MED23: variants seen among roughly 807,000 people sequenced by gnomAD.
MED23 encodes the protein mediator of RNA polymerase II transcription subunit 23.
MED23 carries 105 observed loss-of-function variants against 163.9 expected under a neutral mutation model. The observed-to-expected ratio is 0.64, with a 90% confidence interval of 0.55 to 0.75. The LOEUF is 0.75. Ranked by LOEUF, MED23 falls within the 30% of genes least tolerant of loss-of-function variation. The pLI, the probability that MED23 is intolerant of heterozygous loss-of-function variation, is 0.00. For missense variants in MED23, 1,054 were observed against 1,649.0 expected (o/e 0.64, Z 6.25); for synonymous variants, 561 against 565.6 (o/e 0.99, Z 0.12).
intron 30 of MED23, among the ~76,000 whole-genome samples, chr6:131,578,479 T>C (rs1488241844): frequency 2.0e-5 from 3 of 152,214 alleles, no homozygotes; most frequent in African/African-American, 7.2e-5. Flanking sequence ...TGGGGTTACC[T>C]GCAATTTTTC....
chr6:131,586,749 G>T lies in MED23; in HGVS notation c.*930C>A, dbSNP rs963913910. 11 of 1,456,582 alleles carry T rather than the reference G, an allele frequency of 7.6e-6. No individual in the cohort carries two copies. The highest frequency in any genetic ancestry group is 9.2e-6 in the Non-Finnish European group (10 of 1,090,410). The allele number at this position is 1,456,582 out of a possible 1,614,324, so 90.2% of individuals were successfully genotyped here. A position where few individuals can be genotyped will look rare whatever the true frequency, so the allele number is the denominator to read the frequency against. ...CAATGGAGTCGGGAAACAATCACACGGTTTATTCATTCAGCAGACTTTACT... is the reference window on the plus strand; with the variant it reads ...CAATGGAGTCGGGAAACAATCACACTGTTTATTCATTCAGCAGACTTTACT... On this transcript the variant is annotated 3_prime_UTR_variant, in exon 29 of 29. Coordinates refer to ENST00000368068, the MANE Select transcript of MED23 (RefSeq NM_004830.4).
Position 131,591,419 on chromosome 6 carries a change from T to C in MED23, c.3580A>G (p.Thr1194Ala). ...VGYPFRLFDF[T>A]ACHQSYSEMS... ...TCAGAGTAGGACTGATGACAGGCAG[T>C]GAAATCAAAGAGGCGGAATGGATAG... is the stretch of plus-strand genomic sequence containing the variant. The change falls in exon 26 of 29, where the codon ACT (threonine) becomes GCT (alanine). Residue 1194 changes from threonine to alanine, a missense_variant. Physicochemically the swap from Thr to Ala is moderately conservative, Grantham distance 58. Coordinates refer to ENST00000368068, the MANE Select transcript of MED23 (RefSeq NM_004830.4). 1 of 1,613,898 alleles carries C rather than the reference T, an allele frequency of 6.2e-7. No individual in the cohort carries two copies. Among genetic ancestry groups the C allele is most frequent in the South Asian group, 1.1e-5 (1 of 91,080 alleles).
At chr6:131,596,772 A>T in intron 20 of MED23, 84 bp from the exon 21 acceptor site, 1 of 1,289,404 alleles carries the variant, frequency 7.8e-7, no homozygotes, top group South Asian at 1.2e-5. Flanking sequence ...AGATTTTAAC[A>T]AAGTAAAATC....
chr6:131,614,238 A>G (rs1776486052), intron 10 of MED23, among the ~76,000 whole-genome samples: 1 of 152,170 alleles, frequency 6.6e-6, no homozygotes, highest in African/African-American at 2.4e-5. Flanking sequence ...AGAAGAAAAA[A>G]CTTAAAATAA....
At chr6:131,582,784 C>A, downstream of MED23, 1 of 1,312,276 alleles carries the variant, frequency 7.6e-7, no homozygotes, top group Non-Finnish European at 1.1e-6. Context: ...GCTTTACTGA[C>A]CAACTCTATG....
chr6:131,592,243 G>T, intron 25 of MED23, 145 bp downstream of exon 25: 1 of 739,212 alleles, frequency 1.4e-6, no homozygotes, highest in Non-Finnish European at 2.3e-6. Flanking sequence ...GTAATAATAT[G>T]AAAAAACTTT....
intron 3 of MED23, among the ~76,000 whole-genome samples, chr6:131,626,342 C>T (rs2114790673): frequency 6.6e-6 from 1 of 151,302 alleles, no homozygotes; most frequent in Middle Eastern, 3.4e-3. Context: ...TAAGAAGAAA[C>T]TTAGAAGACA....
chr6:131,621,929 AG>A lies in MED23; in HGVS notation c.446del (p.Pro149LeufsTer4), dbSNP rs750449706. On this transcript the variant is annotated frameshift_variant, in exon 6 of 29. Transcript: ENST00000368068. LOFTEE classifies it high-confidence loss of function. The stretch of plus-strand genomic sequence containing the variant: ...GTACAACAGCAGAGCTCACTGTATT[AG>A]GAATTGTCAAAATCTTCTCCAAAAT... ...KVILEKILTI[P>X]NTVSSAVVQQ... 2 of 1,613,760 alleles carry A rather than the reference AG, an allele frequency of 1.2e-6. No homozygotes were observed. The highest frequency in any genetic ancestry group is 2.7e-5 in the African/African-American group (2 of 74,924).
At chr6:131,591,683 C>G in intron 25 of MED23, 156 bp from the exon 26 acceptor site, 1 of 655,988 alleles carries the variant, frequency 1.5e-6, no homozygotes, top group Non-Finnish European at 2.7e-6. Flanking sequence ...CAAATTAAGT[C>G]AGTAACAACC....
rs941758255 is a variant in MED23 at position 131,579,614 on chromosome 6, A to C, written c.4096-5319T>G. ...GCTTATTTGTTCTTAATTGCCGATA[A>C]TATATACAACTCATATAGGTCAACA... On this transcript the variant is annotated intron_variant, in intron 30 of 30. Transcript: ENST00000354577. The C allele has an allele frequency of 1.7e-5, 4 of 235,162 alleles. No individual in the cohort carries two copies. In the South Asian group the frequency reaches 2.2e-4, roughly 13 times the overall value. 14.6% of individuals were successfully genotyped at this position (235,162 alleles called of 1,614,324 possible).
Position 131,598,315 on chromosome 6 carries a change from A to G in MED23, c.2579T>C (p.Val860Ala). The G allele has an allele frequency of 6.2e-7, 1 of 1,614,036 alleles. No homozygotes were observed. Among genetic ancestry groups the G allele is most frequent in the Non-Finnish European group, 8.5e-7 (1 of 1,179,908 alleles). ...LNDMVWKYNI[V>A]TLDRLILCLA... Reference sequence around the variant, plus strand: ...GCAGAGAATTAATCTGTCCAGTGTAACAATGTTATACTTCCATACCATGTC... The same window carrying G: ...GCAGAGAATTAATCTGTCCAGTGTAGCAATGTTATACTTCCATACCATGTC... The change falls in exon 20 of 29, where the codon GTT becomes GCT. Residue 860 changes from valine to alanine, a missense_variant. Val to Ala is a moderately conservative substitution (Grantham distance 64). Around this residue, in one of 11 missense-constraint regions of MED23, gnomAD observed 228 missense variants for 461.3 expected, o/e 0.49. Coordinates refer to ENST00000368068, the MANE Select transcript of MED23 (RefSeq NM_004830.4). The surrounding 1 kb of genome is among the most constrained non-coding windows in gnomAD (Gnocchi z 4.7).
rs748173524 is a variant in MED23 at position 131,591,379 on chromosome 6, T to C, written c.3620A>G (p.Tyr1207Cys). 1.2e-6 allele frequency: 2 copies of C among 1,613,846 alleles called. No homozygotes were observed. Among genetic ancestry groups the C allele is most frequent in the East Asian group, 2.2e-5 (1 of 44,884 alleles). The change falls in exon 26 of 29, where the codon TAT becomes TGT. Residue 1207 changes from tyrosine (Y) to cysteine (C), a missense_variant. Coordinates refer to ENST00000368068, the MANE Select transcript of MED23 (RefSeq NM_004830.4). ...HQSYSEMSCS[Y>C]TLALAHAVWH... ...CACAGCATGTGCAAGAGCTAACGTATAGCTACAACTCATCTCAGAGTAGGA... is the reference window on the plus strand; with the variant it reads ...CACAGCATGTGCAAGAGCTAACGTACAGCTACAACTCATCTCAGAGTAGGA...
intron 25 of MED23, 129 bp downstream of exon 25, chr6:131,592,259 C>T: frequency 4.7e-6 from 4 of 843,016 alleles, no homozygotes; most frequent in Non-Finnish European, 7.8e-6. Flanking sequence ...ACTTTAAAAA[C>T]ATAAAATACT....
rs377055806 is a variant in MED23 at position 131,598,808 on chromosome 6, G to T, written c.2221-47C>A. On this transcript the variant is annotated intron_variant, in intron 18 of 28. Transcript: ENST00000368068. The surrounding 1 kb of genome is among the most constrained non-coding windows in gnomAD (Gnocchi z 4.7). ...TATTTCATTGGTTATAGTAGAAAGAGCACTGGATATGGAGTTAATAAACCA... is the reference window on the plus strand; with the variant it reads ...TATTTCATTGGTTATAGTAGAAAGATCACTGGATATGGAGTTAATAAACCA... 1 of 1,551,918 alleles carries T rather than the reference G, an allele frequency of 6.4e-7. No individual in the cohort carries two copies. Among genetic ancestry groups the T allele is most frequent in the African/African-American group, 1.4e-5 (1 of 73,694 alleles).
downstream of MED23, chr6:131,583,094 T>C (rs1313116151): frequency 1.2e-6 from 2 of 1,613,800 alleles, no homozygotes; most frequent in Admixed American, 3.3e-5. Context: ...TAAATACTTT[T>C]CAATGACTGA....
Position 131,623,314 on chromosome 6 carries a change from C to T in MED23, c.396+37G>A, listed in dbSNP as rs780585347. On this transcript the variant is annotated intron_variant, in intron 5 of 28. Coordinates refer to ENST00000368068, the MANE Select transcript of MED23 (RefSeq NM_004830.4). ...ATGCACACCGAAAAATCAATCATAT[C>T]TGAAAGCAATCACTTTTTATAATAA... 3 of 1,519,322 alleles carry T rather than the reference C, an allele frequency of 2.0e-6. No individual in the cohort carries two copies. In the South Asian group the frequency reaches 3.4e-5, roughly 17 times the overall value. The allele number at this position is 1,519,322 out of a possible 1,614,324, so 94.1% of individuals were successfully genotyped here.
Position 131,594,304 on chromosome 6 carries a change from CAG to C in MED23, c.3025_3026del (p.Leu1009AlafsTer4), listed in dbSNP as rs1454126161. The C allele has an allele frequency of 2.5e-6, 4 of 1,613,868 alleles. No individual in the cohort carries two copies. The highest frequency in any genetic ancestry group is 3.4e-6 in the Non-Finnish European group (4 of 1,179,932). On this transcript the variant is annotated frameshift_variant, in exon 23 of 29. Coordinates refer to ENST00000368068, the MANE Select transcript of MED23 (RefSeq NM_004830.4). LOFTEE classifies it high-confidence loss of function. ...CTCTCAGGTGCATTTCATAATAGTGCAGAGTGTTATACAGATAAGTCACTGGA... is the reference window on the plus strand; with the variant it reads ...CTCTCAGGTGCATTTCATAATAGTGCAGTGTTATACAGATAAGTCACTGGA... The part of the protein sequence containing the change: ...DRPVTYLYNT[L>X]HYYEMHLRDR...
At chr6:131,599,776 T>C (rs982612697) in intron 18 of MED23, among the ~76,000 whole-genome samples, 9 of 151,566 alleles carry the variant, frequency 5.9e-5, no homozygotes, top group Non-Finnish European at 8.8e-5. Flanking sequence ...AGGGTCTGGC[T>C]CTGTCACCCA....
At chr6:131,624,416 C>T (rs1161056031) in intron 4 of MED23, among the ~76,000 whole-genome samples, 1 of 152,164 alleles carries the variant, frequency 6.6e-6, no homozygotes, top group African/African-American at 2.4e-5. Flanking sequence ...AGATGACAGC[C>T]AGGAATCAAC....
Sources: allele counts gnomAD v4.1 joint callset (sites outside exome capture counted in the v4.1 genomes callset), GRCh38; gene constraint gnomAD v4.1.1; regional missense constraint gnomAD v4.1.1; non-coding constraint Gnocchi (gnomAD v3.1); transcripts MANE v1.5; gene names NCBI Gene and HGNC (gene_info 2026-07-23, HGNC 2026-07-21).